The following CLPTM1 variants were observed in gnomAD, a reference collection of about 807,000 sequenced individuals.
CLPTM1 encodes the protein CLPTM1 regulator of GABA type A receptor forward trafficking.
In CLPTM1, 21 loss-of-function variants were observed where a neutral mutation model predicts 77.3. The ratio of observed to expected loss-of-function variants is 0.27; its 90% CI spans 0.19 to 0.39. CLPTM1 has a LOEUF of 0.39. Among genes scored for constraint, CLPTM1 ranks in the 10% least tolerant of loss-of-function variants. The pLI, the probability that CLPTM1 is intolerant of heterozygous loss-of-function variation, is 1.00. For missense variants in CLPTM1, 642 were observed against 921.2 expected (o/e 0.70, Z 3.92); for synonymous variants, 373 against 381.0 (o/e 0.98, Z 0.24).
intron 2 of CLPTM1, among the ~76,000 whole-genome samples, chr19:44,971,908 G>A (rs1970724480): frequency 9.4e-6 from 1 of 106,280 alleles, no homozygotes; most frequent in South Asian, 3.1e-4. Flanking sequence ...GTCTCACTCT[G>A]TTGCAAGGCT....
intron 5 of CLPTM1, among the ~76,000 whole-genome samples, chr19:44,983,799 A>C (rs1970936969): frequency 6.6e-6 from 1 of 151,892 alleles, no homozygotes; most frequent in African/African-American, 2.4e-5. Context: ...TGTCTTTACT[A>C]AAAATACAAA....
In CLPTM1 at chr19:44,972,451, A is replaced by G. The variant is rs553966321; in HGVS notation, c.186-636A>G. Among the ~76,000 whole-genome samples, 446 of 151,824 alleles carry G rather than the reference A, an allele frequency of 2.9e-3. 3 individuals are homozygous for G. Among genetic ancestry groups the G allele is most frequent in the African/African-American group, 9.7e-3 (400 of 41,402 alleles). On this transcript the variant is annotated intron_variant, in intron 2 of 13. Coordinates refer to ENST00000337392, the MANE Select transcript of CLPTM1 (RefSeq NM_001294.4). Reference sequence around the variant, plus strand: ...TTTTTAGTAGAGACAGGGTTTCACCATGTTAGCCAGGATGGTCTCAATCTC... The same window carrying G: ...TTTTTAGTAGAGACAGGGTTTCACCGTGTTAGCCAGGATGGTCTCAATCTC...
chr19:44,955,012 G>T (rs549109941), upstream of CLPTM1: 1 of 1,535,724 alleles, frequency 6.5e-7, no homozygotes, highest in East Asian at 2.4e-5. Context: ...CAAGAAACAT[G>T]GAACGAAAAG....
At chr19:44,965,609 C>T (rs1417521534) in intron 2 of CLPTM1, among the ~76,000 whole-genome samples, 2 of 152,040 alleles carry the variant, frequency 1.3e-5, no homozygotes, top group East Asian at 1.9e-4. Context: ...GTCAGGAGAT[C>T]GAGACCATCC....
chr19:44,984,791 A>G (rs1352735187), intron 5 of CLPTM1, among the ~76,000 whole-genome samples: 1 of 152,014 alleles, frequency 6.6e-6, no homozygotes, highest in African/African-American at 2.4e-5. Context: ...AGTTCAAGCG[A>G]TTCTCCTGCC....
rs944619940 is a variant in CLPTM1 at position 44,990,156 on chromosome 19, G to A, written c.1133-239G>A. ...CATCAGTCAAGGGACTGCACCTTGGGGTGCTGGGTGCTGACGTCCTATGGG... is the reference window on the plus strand; with the variant it reads ...CATCAGTCAAGGGACTGCACCTTGGAGTGCTGGGTGCTGACGTCCTATGGG... On this transcript the variant is annotated intron_variant, in intron 9 of 13. Coordinates refer to ENST00000337392, the MANE Select transcript of CLPTM1 (RefSeq NM_001294.4). This position sits in a 1 kb window ranked among gnomAD's most constrained non-coding sequence, Gnocchi z 4.8. 1 of 545,684 alleles carries A rather than the reference G, an allele frequency of 1.8e-6. No individual in the cohort carries two copies. The highest frequency in any genetic ancestry group is 3.3e-6 in the Non-Finnish European group (1 of 306,272). The allele number at this position is 545,684 out of a possible 1,614,324, so 33.8% of individuals were successfully genotyped here.
Position 44,988,172 on chromosome 19 carries a change from T to C in CLPTM1, c.1131T>C (p.Asn377=). The part of the protein sequence containing the change: ...HSVFEFLAFK[N]DIQFWNSRQS... ...TCTTCGAGTTCCTGGCCTTCAAGAATGGTAGGAACAGGACCCCAGGGCTAG... is the reference window on the plus strand; with the variant it reads ...TCTTCGAGTTCCTGGCCTTCAAGAACGGTAGGAACAGGACCCCAGGGCTAG... Residue 377 remains asparagine (N), a splice_region_variant and synonymous_variant, in exon 9 of 14, where the codon AAT becomes AAC. Coordinates refer to ENST00000337392, the MANE Select transcript of CLPTM1 (RefSeq NM_001294.4). The C allele has an allele frequency of 6.2e-7, 1 of 1,609,274 alleles. No homozygotes were observed. The highest frequency in any genetic ancestry group is 8.5e-7 in the Non-Finnish European group (1 of 1,175,574).
At chr19:44,982,336 G>A (rs983682333) in intron 5 of CLPTM1, among the ~76,000 whole-genome samples, 2 of 146,550 alleles carry the variant, frequency 1.4e-5, no homozygotes, top group Non-Finnish European at 3.0e-5. Context: ...GCGACAGAGC[G>A]AGACTATGTC....
chr19:44,975,171 C>T (rs1970786926), intron 4 of CLPTM1, among the ~76,000 whole-genome samples: 1 of 152,246 alleles, frequency 6.6e-6, no homozygotes, highest in South Asian at 2.1e-4. Context: ...CTCCAGGAAG[C>T]CCTCCCTGAC....
Position 44,991,431 on chromosome 19 carries a change from C to A in CLPTM1, c.1555+58C>A. On this transcript the variant is annotated intron_variant, in intron 12 of 13. Coordinates refer to ENST00000337392, the MANE Select transcript of CLPTM1 (RefSeq NM_001294.4). The surrounding 1 kb of genome is among the most constrained non-coding windows in gnomAD (Gnocchi z 5.4). Reference sequence around the variant, plus strand: ...GCCCCATGCTGCGCAGGGCTCACAGCCCCAGTGTAGGAGACAGACCCATCC... The same window carrying A: ...GCCCCATGCTGCGCAGGGCTCACAGACCCAGTGTAGGAGACAGACCCATCC... 6.3e-7 allele frequency: 1 copy of A among 1,585,578 alleles called. No homozygotes were observed. The highest frequency in any genetic ancestry group is 8.6e-7 in the Non-Finnish European group (1 of 1,167,464).
At chr19:44,978,729 G>A (rs991784101) in intron 5 of CLPTM1, among the ~76,000 whole-genome samples, 1 of 152,188 alleles carries the variant, frequency 6.6e-6, no homozygotes, top group Non-Finnish European at 1.5e-5. Flanking sequence ...GGGTTAATCA[G>A]TTCCTGAGGG....
At chr19:44,983,617 CAAAAAAAAA>C (rs35582067) in intron 5 of CLPTM1, among the ~76,000 whole-genome samples, 160 of 39,792 alleles carry the variant, frequency 4.0e-3, no homozygotes, top group African/African-American at 6.4e-3. Flanking sequence ...GACTCTGTCT[CAAAAAAAAA>C]AAAAAAAAAA....
chr19:44,979,946 C>G (rs1406562692), intron 5 of CLPTM1, among the ~76,000 whole-genome samples: 2 of 152,172 alleles, frequency 1.3e-5, no homozygotes, highest in South Asian at 2.1e-4. Context: ...TGACGATCAC[C>G]TAATCATCCC....
intron 2 of CLPTM1, among the ~76,000 whole-genome samples, chr19:44,970,736 A>G (rs1970704077): frequency 7.0e-6 from 1 of 142,316 alleles, no homozygotes; most frequent in Non-Finnish European, 1.5e-5. Context: ...CACCTAGCAG[A>G]TGTCCTCGGA....
intron 4 of CLPTM1, among the ~76,000 whole-genome samples, chr19:44,976,024 A>C (rs1166349466): frequency 1.3e-5 from 2 of 152,020 alleles, no homozygotes; most frequent in African/African-American, 4.8e-5. Flanking sequence ...CACCATGCCC[A>C]GCTAATTTTT....
At chr19:44,957,505 C>T (rs984654442) in intron 1 of CLPTM1, among the ~76,000 whole-genome samples, 5 of 152,248 alleles carry the variant, frequency 3.3e-5, no homozygotes, top group Non-Finnish European at 7.3e-5. Context: ...TTCCCTGATG[C>T]CGTGGTGGAT....
chr19:44,990,467 A>G lies in CLPTM1; in HGVS notation c.1205A>G (p.Gln402Arg). 2 of 1,614,062 alleles carry G rather than the reference A, an allele frequency of 1.2e-6. No homozygotes were observed. Residue 402 changes from glutamine (Q) to arginine (R), a missense_variant, in exon 10 of 14, where the codon CAG becomes CGG. Gln to Arg is a conservative substitution (Grantham distance 43). This residue lies in a region of CLPTM1 where 521 missense variants were observed against 800.4 expected (regional missense o/e 0.65). Coordinates refer to ENST00000337392, the MANE Select transcript of CLPTM1 (RefSeq NM_001294.4). The surrounding 1 kb of genome is among the most constrained non-coding windows in gnomAD (Gnocchi z 4.8). ...SVRSVFFGVF[Q>R]SFVVLLYILD... is the part of the protein sequence containing the mutation. ...CGCTCCGTCTTCTTCGGCGTTTTCC[A>G]GTCATTCGTGGTCCTCCTCTACATC...
Position 44,982,076 on chromosome 19 carries a change from C to T in CLPTM1, c.587-3142C>T, listed in dbSNP as rs555512882. Among the ~76,000 whole-genome samples, 148 of 147,972 alleles carry T rather than the reference C, an allele frequency of 1.0e-3. 1 individual carries two copies. Among genetic ancestry groups the T allele is most frequent in the African/African-American group, 3.5e-3 (140 of 40,154 alleles). ...AGAATCTAGTGTGTGTGACTGGGCA[C>T]GGTGGCTCACATCTGTAATCCCAGC... On this transcript the variant is annotated intron_variant, in intron 5 of 13. Coordinates refer to ENST00000337392, the MANE Select transcript of CLPTM1 (RefSeq NM_001294.4).
At position 44,961,948 on chromosome 19, in the gene CLPTM1, C is replaced by T. The variant is rs779693027; in HGVS notation, c.73-15C>T. ...GTCCATTCTCCCTCCTTACCCTGGC[C>T]TCTGTCCCCCACAGGTGACCAGCAA... On this transcript the variant is annotated splice_polypyrimidine_tract_variant and intron_variant, in intron 1 of 13. Coordinates refer to ENST00000337392, the MANE Select transcript of CLPTM1 (RefSeq NM_001294.4). 14 of 1,574,710 alleles carry T rather than the reference C, an allele frequency of 8.9e-6. No individual in the cohort carries two copies. The highest frequency in any genetic ancestry group is 1.9e-5 in the Admixed American group (1 of 52,400).
Sources: gnomAD v4.1 joint callset for allele counts (sites outside exome capture counted in the v4.1 genomes callset) on GRCh38, gnomAD v4.1.1 for gene constraint, gnomAD v4.1.1 regional missense constraint, Gnocchi (gnomAD v3.1) non-coding constraint, MANE v1.5 for transcripts, NCBI Gene and HGNC (gene_info 2026-07-23, HGNC 2026-07-21) for gene names.